The following POTEJ variants were observed in gnomAD, a reference collection of about 807,000 sequenced individuals.
POTEJ encodes POTE ankyrin domain family, member J.
Under a neutral mutation model 69.0 loss-of-function variants are expected in POTEJ, and 11 were observed. The ratio of observed to expected loss-of-function variants is 0.16; its 90% confidence interval spans 0.10 to 0.26. The LOEUF (loss-of-function observed/expected upper bound fraction) is 0.26, where lower values mean the gene tolerates loss of function less well. Among genes scored for constraint, POTEJ ranks in the 10% least tolerant of loss-of-function variants. The pLI, the probability that POTEJ is intolerant of heterozygous loss-of-function variation, is 1.00. For synonymous variants in POTEJ, 117 were observed against 381.1 expected (o/e 0.31, Z 8.07); for missense variants, 327 against 1,045.5 (o/e 0.31, Z 9.48).
chr2:130,640,995 C>A (rs1360137515), intron 10 of POTEJ, among the ~76,000 whole-genome samples: 2 of 151,832 alleles, frequency 1.3e-5, no homozygotes, highest in Non-Finnish European at 2.9e-5. Context: ...GGTTAGCAGG[C>A]TTTTTCTTTA....
In POTEJ at chr2:130,624,016, A is replaced by G. The variant is rs763794654; in HGVS notation, c.945-48A>G. On this transcript the variant is annotated intron_variant, in intron 5 of 14. Transcript: ENST00000409602. ...TAATTCTGCATTTGGTAAGATTTTTATATCAGTATTAAAATAGTAATTTGG... is the reference window on the plus strand; with the variant it reads ...TAATTCTGCATTTGGTAAGATTTTTGTATCAGTATTAAAATAGTAATTTGG... 13 of 1,485,988 alleles carry G rather than the reference A, an allele frequency of 8.7e-6. No individual in the cohort carries two copies. The Admixed American group carries it at 1.1e-4, about 13-fold the overall frequency. 92.1% of individuals were successfully genotyped at this position (1,485,988 alleles called of 1,614,324 possible).
At chr2:130,632,103 T>C (rs1416205214) in intron 8 of POTEJ, among the ~76,000 whole-genome samples, 4 of 149,224 alleles carry the variant, frequency 2.7e-5, no homozygotes, top group Non-Finnish European at 4.4e-5. Flanking sequence ...ATCTAGGTGG[T>C]AAAGACAGAA....
intron 6 of POTEJ, among the ~76,000 whole-genome samples, chr2:130,625,265 C>T (rs1443227526): frequency 2.6e-5 from 4 of 152,128 alleles, no homozygotes; most frequent in Non-Finnish European, 5.9e-5. Context: ...GAAAACATTG[C>T]TATTTATGTT....
chr2:130,630,854 A>G (rs1283251025), intron 7 of POTEJ, among the ~76,000 whole-genome samples: 3 of 144,424 alleles, frequency 2.1e-5, no homozygotes, highest in African/African-American at 5.4e-5. Flanking sequence ...ATGACAGTAT[A>G]TAATCTCAAT....
intron 8 of POTEJ, among the ~76,000 whole-genome samples, chr2:130,631,796 A>C (rs972645627): frequency 7.0e-6 from 1 of 142,612 alleles, no homozygotes; most frequent in African/African-American, 2.8e-5. Context: ...TATTCTGTGT[A>C]TCTTCCAGCT....
intron 13 of POTEJ, among the ~76,000 whole-genome samples, chr2:130,649,528 G>T (rs13386476): frequency 1.1e-3 from 161 of 149,274 alleles, no homozygotes; most frequent in African/African-American, 4.0e-3. Flanking sequence ...GTTTTTAAAA[G>T]CTTCCCCTTT....
intron 1 of POTEJ, among the ~76,000 whole-genome samples, chr2:130,613,299 C>A (rs62164889): frequency 3.9e-5 from 4 of 101,536 alleles, no homozygotes; most frequent in Admixed American, 3.0e-4. Flanking sequence ...CATATATATA[C>A]ATATGTATAT....
intron 13 of POTEJ, among the ~76,000 whole-genome samples, chr2:130,647,029 G>A: frequency 6.7e-6 from 1 of 150,188 alleles, no homozygotes; most frequent in East Asian, 1.9e-4. Flanking sequence ...TTATGTATAA[G>A]GACATTTATT....
chr2:130,618,585 C>T (rs1358616944), intron 3 of POTEJ, among the ~76,000 whole-genome samples: 1 of 147,224 alleles, frequency 6.8e-6, no homozygotes, highest in East Asian at 1.9e-4. Flanking sequence ...ACAACAACAA[C>T]AACAACAACA....
upstream of POTEJ, among the ~76,000 whole-genome samples, chr2:130,611,297 C>CT (rs1685197500): frequency 1.4e-5 from 1 of 71,500 alleles, no homozygotes; most frequent in Non-Finnish European, 2.4e-5. Context: ...TGGGTGTTTT[C>CT]TTGGGGGGGG....
At chr2:130,637,461 A>C (rs1356368847) in intron 9 of POTEJ, among the ~76,000 whole-genome samples, 1 of 150,528 alleles carries the variant, frequency 6.6e-6, no homozygotes, top group East Asian at 1.9e-4. Flanking sequence ...TAAGGCGGCC[A>C]CACAAATTTT....
At chr2:130,652,314 A>G (rs1686837446) in intron 13 of POTEJ, among the ~76,000 whole-genome samples, 2 of 134,060 alleles carry the variant, frequency 1.5e-5, no homozygotes, top group South Asian at 2.6e-4. Context: ...ACCTAGTCTC[A>G]GGTATGTATG....
At chr2:130,632,999 G>A (rs1406781361) in intron 9 of POTEJ, among the ~76,000 whole-genome samples, 2 of 147,358 alleles carry the variant, frequency 1.4e-5, no homozygotes, top group African/African-American at 2.6e-5. Context: ...CACATAATAA[G>A]CAAAACACCA....
chr2:130,655,239 A>G (rs1337026931), intron 14 of POTEJ, among the ~76,000 whole-genome samples, 198 bp downstream of exon 14: 8 of 152,134 alleles, frequency 5.3e-5, no homozygotes, highest in African/African-American at 1.7e-4. Context: ...ACAGTTGAGT[A>G]GTGACCTGCA....
rs534858689 is a variant in POTEJ at position 130,629,020 on chromosome 2, A to C, written c.1016-929A>C. 2.9e-5 allele frequency among the ~76,000 whole-genome samples: 4 copies of C among 138,654 alleles called. No homozygotes were observed. In the East Asian group the frequency reaches 7.8e-4, roughly 27 times the overall value. The allele number at this position is 138,654 out of a possible 152,430, so 91.0% of individuals were successfully genotyped here. ...GGTGACAGAGCAAGACCCTGGCTCA[A>C]AAAAAAAAAAGAAAGAAAAATGAAA... On this transcript the variant is annotated intron_variant, in intron 6 of 14. Transcript: ENST00000409602.
Position 130,611,454 on chromosome 2 carries a change from G to C in POTEJ, c.-79G>C. ...TCTTCAAACAGATTGGAAACCCGGAGTTACCTGCTAGTTGGTGAAACTGGT... is the reference window on the plus strand; with the variant it reads ...TCTTCAAACAGATTGGAAACCCGGACTTACCTGCTAGTTGGTGAAACTGGT... On this transcript the variant is annotated 5_prime_UTR_variant, in exon 1 of 15. Transcript: ENST00000409602. 1.8e-6 allele frequency: 1 copy of C among 556,738 alleles called. No individual in the cohort carries two copies. Among genetic ancestry groups the C allele is most frequent in the Non-Finnish European group, 3.2e-6 (1 of 317,114 alleles). 34.5% of individuals were successfully genotyped at this position (556,738 alleles called of 1,614,324 possible). A position where few individuals can be genotyped will look rare whatever the true frequency, so the allele number is the denominator to read the frequency against.
chr2:130,649,607 C>G (rs1475425475), intron 13 of POTEJ, among the ~76,000 whole-genome samples: 30 of 151,004 alleles, frequency 2.0e-4, no homozygotes, highest in African/African-American at 7.4e-4. Flanking sequence ...TGCCCCAGCC[C>G]TTCTGATTGC....
At chr2:130,625,245 A>T (rs1317296670) in intron 6 of POTEJ, among the ~76,000 whole-genome samples, 5 of 152,196 alleles carry the variant, frequency 3.3e-5, no homozygotes, top group African/African-American at 1.2e-4. Context: ...TTTTCAACAG[A>T]ATTTACAAAG....
At chr2:130,614,491 C>T (rs1225808212) in intron 1 of POTEJ, among the ~76,000 whole-genome samples, 8 of 149,634 alleles carry the variant, frequency 5.3e-5, no homozygotes, top group Admixed American at 2.0e-4. Flanking sequence ...TTGAGGGTGT[C>T]AGTAGATACA....
Sources: allele counts gnomAD v4.1 joint callset (sites outside exome capture counted in the v4.1 genomes callset), GRCh38; gene constraint gnomAD v4.1.1; transcripts MANE v1.5; gene names NCBI Gene and HGNC (gene_info 2026-07-23, HGNC 2026-07-21).